Variants in SNAP91 observed in about 807,000 individuals in gnomAD.
SNAP91 encodes clathrin coat assembly protein AP180.
In SNAP91, 27 loss-of-function variants were observed where a neutral mutation model predicts 100.3. The observed-to-expected ratio is 0.27, with a 90% CI of 0.20 to 0.37. The LOEUF (loss-of-function observed/expected upper bound fraction) is 0.37, where lower values mean the gene tolerates loss of function less well. Ranked by LOEUF, SNAP91 falls within the 10% of genes least tolerant of loss-of-function variation. SNAP91 has a pLI of 1.00. For missense variants in SNAP91, 986 were observed against 1,123.7 expected, an observed-to-expected ratio of 0.88 and a Z score of 1.75; for synonymous variants, 404 against 398.6, an observed-to-expected ratio of 1.01 and a Z score of -0.16.
intron 5 of SNAP91, among the ~76,000 whole-genome samples, chr6:83,661,175 A>G (rs567058686): frequency 2.2e-4 from 33 of 152,198 alleles, no homozygotes; most frequent in Non-Finnish European, 3.8e-4. Context: ...TTCTTAAATT[A>G]TTTAAAGGTA....
At chr6:83,648,001 T>C (rs2098021539) in intron 7 of SNAP91, among the ~76,000 whole-genome samples, 1 of 152,140 alleles carries the variant, frequency 6.6e-6, no homozygotes, top group African/African-American at 2.4e-5. Flanking sequence ...CTTAATACTA[T>C]CACAATGCCA....
intron 8 of SNAP91, among the ~76,000 whole-genome samples, chr6:83,626,629 G>A (rs1284472016): frequency 1.3e-5 from 2 of 152,038 alleles, no homozygotes; most frequent in Admixed American, 1.3e-4. Context: ...TTGTAAATGG[G>A]ATTGCATTCT....
At chr6:83,596,147 T>C (rs1413692685) in intron 16 of SNAP91, among the ~76,000 whole-genome samples, 1 of 152,206 alleles carries the variant, frequency 6.6e-6, no homozygotes, top group African/African-American at 2.4e-5. Flanking sequence ...TTTGAACTAC[T>C]GGTCTCAAGT....
chr6:83,611,168 T>C (rs1042010890), intron 11 of SNAP91, among the ~76,000 whole-genome samples: 4 of 152,200 alleles, frequency 2.6e-5, no homozygotes, highest in Admixed American at 2.6e-4. Context: ...CTGAAATATG[T>C]CTCGGCTTCC....
At chr6:83,658,877 T>C in intron 6 of SNAP91, 122 bp downstream of exon 6, 1 of 703,414 alleles carries the variant, frequency 1.4e-6, no homozygotes, top group Non-Finnish European at 2.4e-6. Flanking sequence ...CTGAACTAAG[T>C]ATTCATCTAA....
Position 83,582,354 on chromosome 6 carries a change from A to G in SNAP91, c.2017T>C (p.Phe673Leu). 6.2e-7 allele frequency: 1 copy of G among 1,611,436 alleles called. No homozygotes were observed. ...SSASADLLAG[F>L]GGSFMAPSPS... ...GAAGGCGCCATGAAAGAACCCCCAA[A>G]TCCTGAAAAAAAGTTCCAAAAAAAC... The change falls in exon 23 of 30, where the codon TTT becomes CTT. Residue 673 changes from phenylalanine to leucine, a missense_variant and splice_region_variant. By Grantham distance (22) the Phe-to-Leu change is conservative (BLOSUM62 0). Transcript: ENST00000369694.
intron 16 of SNAP91, among the ~76,000 whole-genome samples, chr6:83,599,699 T>C (rs551476328): frequency 1.3e-5 from 2 of 152,306 alleles, no homozygotes; most frequent in East Asian, 3.9e-4. Flanking sequence ...GTTGATTTTA[T>C]AAATGTAAGC....
intron 22 of SNAP91, 129 bp from the exon 23 acceptor site, chr6:83,582,485 C>T: frequency 1.1e-6 from 1 of 912,622 alleles, no homozygotes; most frequent in Non-Finnish European, 1.6e-6. Flanking sequence ...GTCAGTGAAA[C>T]AGAGAAGCTC....
chr6:83,580,368 TGAGA>T (rs147891842), intron 24 of SNAP91, 78 bp downstream of exon 24: 1,417 of 1,233,090 alleles, frequency 1.1e-3, no homozygotes, highest in South Asian at 1.7e-3. Context: ...ACATATGAGA[TGAGA>T]GAGAGAGAGA....
At chr6:83,613,489 A>G (rs1401461961) in intron 11 of SNAP91, among the ~76,000 whole-genome samples, 1 of 152,228 alleles carries the variant, frequency 6.6e-6, no homozygotes, top group African/African-American at 2.4e-5. Context: ...TGATTTAATT[A>G]AAAGGTTGAG....
At chr6:83,665,886 G>T (rs543405006) in intron 2 of SNAP91, among the ~76,000 whole-genome samples, 3 of 152,016 alleles carry the variant, frequency 2.0e-5, no homozygotes, top group Non-Finnish European at 4.4e-5. Context: ...CTCCAGGAAG[G>T]CTAAGCCTCA....
intron 23 of SNAP91, among the ~76,000 whole-genome samples, chr6:83,580,991 G>A (rs369896639): frequency 6.6e-6 from 1 of 152,160 alleles, no homozygotes; most frequent in Admixed American, 6.5e-5. Context: ...TAAATTAGGT[G>A]ATACATGTCA....
chr6:83,661,216 C>G (rs1262411382), intron 5 of SNAP91, among the ~76,000 whole-genome samples: 1 of 151,940 alleles, frequency 6.6e-6, no homozygotes, highest in Non-Finnish European at 1.5e-5. Context: ...GAGTTTTTAA[C>G]AAATAAAATG....
chr6:83,704,646 A>G (rs1374680056), intron 2 of SNAP91, among the ~76,000 whole-genome samples: 1 of 152,038 alleles, frequency 6.6e-6, no homozygotes, highest in Non-Finnish European at 1.5e-5. Context: ...CTTAATATTA[A>G]ATACATATTT....
At chr6:83,576,735 T>G (rs1286139549) in intron 24 of SNAP91, among the ~76,000 whole-genome samples, 1 of 152,226 alleles carries the variant, frequency 6.6e-6, no homozygotes, top group African/African-American at 2.4e-5. Flanking sequence ...GCTTCCGTAA[T>G]AAATCTCAGC....
intron 22 of SNAP91, among the ~76,000 whole-genome samples, chr6:83,585,543 A>AACAC (rs78815891): frequency 6.6e-5 from 10 of 150,614 alleles, no homozygotes; most frequent in African/African-American, 1.9e-4. Context: ...AAAAAAAAAA[A>AACAC]AAAGAAAGGT....
chr6:83,628,412 T>A (rs926068511), intron 8 of SNAP91, among the ~76,000 whole-genome samples: 8 of 151,914 alleles, frequency 5.3e-5, no homozygotes, highest in Admixed American at 4.6e-4. Context: ...GTTCTACTTT[T>A]AGTTCTTTAA....
chr6:83,693,469 G>T (rs930727030), intron 2 of SNAP91, among the ~76,000 whole-genome samples: 8 of 152,086 alleles, frequency 5.3e-5, no homozygotes, highest in Non-Finnish European at 1.0e-4. Flanking sequence ...ATTTTAAATT[G>T]AAAAAGAAAC....
intron 2 of SNAP91, among the ~76,000 whole-genome samples, chr6:83,669,704 G>T (rs2098749405): frequency 6.6e-6 from 1 of 151,834 alleles, no homozygotes; most frequent in Admixed American, 6.6e-5. Context: ...ATATAAATTA[G>T]TTTGCATATT....
Sources: gnomAD v4.1 joint callset for allele counts (sites outside exome capture counted in the v4.1 genomes callset) on GRCh38, gnomAD v4.1.1 for gene constraint, MANE v1.5 for transcripts, NCBI Gene and HGNC (gene_info 2026-07-23, HGNC 2026-07-21) for gene names.